Variants in ERLIN1 observed in about 807,000 individuals in gnomAD.
ERLIN1 encodes erlin-1.
In ERLIN1, 24 loss-of-function variants were observed where a neutral mutation model predicts 46.9. The observed-to-expected ratio is 0.51, with a 90% CI of 0.37 to 0.72. ERLIN1 has a LOEUF of 0.72. Among genes scored for constraint, ERLIN1 ranks in the 30% least tolerant of loss-of-function variants. The pLI is 0.00. For missense variants in ERLIN1, 293 were observed against 417.9 expected, an observed-to-expected ratio of 0.70 and a Z score of 2.61; for synonymous variants, 158 against 143.2, an observed-to-expected ratio of 1.10 and a Z score of -0.74.
intron 5 of ERLIN1, among the ~76,000 whole-genome samples, chr10:100,174,955 T>C (rs1844207597): frequency 6.6e-6 from 1 of 152,220 alleles, no homozygotes; most frequent in East Asian, 1.9e-4. Flanking sequence ...ATCAGTTTCC[T>C]CACATGCCAC....
intron 9 of ERLIN1, among the ~76,000 whole-genome samples, chr10:100,155,297 C>A (rs374959172): frequency 6.6e-6 from 1 of 152,114 alleles, no homozygotes; most frequent in South Asian, 2.1e-4. Flanking sequence ...CTCCAGCCCC[C>A]CCCCAAATTT....
chr10:100,158,104 C>T (rs1166894872), intron 8 of ERLIN1, among the ~76,000 whole-genome samples: 1 of 152,090 alleles, frequency 6.6e-6, no homozygotes, highest in Non-Finnish European at 1.5e-5. Context: ...TGGGTTTTTA[C>T]CCATGCAAGA....
In ERLIN1 at chr10:100,185,631, G is replaced by A; in HGVS notation, c.-5C>T. Reference sequence around the variant, plus strand: ...CCGGGCTTGAGTCATATTCATTCTCGTTCCTCCTGGGAGCGGGAGAAAAGG... The same window carrying A: ...CCGGGCTTGAGTCATATTCATTCTCATTCCTCCTGGGAGCGGGAGAAAAGG... On this transcript the variant is annotated 5_prime_UTR_variant, in exon 1 of 11. It adds an upstream start codon to the 5' untranslated region. Transcript: ENST00000421367. The A allele has an allele frequency of 6.2e-7, 1 of 1,612,498 alleles. No individual in the cohort carries two copies. Among genetic ancestry groups the A allele is most frequent in the East Asian group, 2.2e-5 (1 of 44,878 alleles).
intron 8 of ERLIN1, among the ~76,000 whole-genome samples, chr10:100,163,716 T>C (rs1284739239): frequency 6.6e-6 from 1 of 152,186 alleles, no homozygotes; most frequent in African/African-American, 2.4e-5. Flanking sequence ...CAAATGAAAA[T>C]GCTATCCACA....
chr10:100,179,532 C>A (rs1844512849), intron 2 of ERLIN1, among the ~76,000 whole-genome samples: 1 of 151,952 alleles, frequency 6.6e-6, no homozygotes, highest in Non-Finnish European at 1.5e-5. Context: ...TCTTGGCTCA[C>A]TGCAACCTCT....
intron 8 of ERLIN1, among the ~76,000 whole-genome samples, chr10:100,161,761 T>A (rs1329608020): frequency 2.0e-5 from 3 of 152,124 alleles, no homozygotes; most frequent in African/African-American, 7.2e-5. Context: ...GATTATGGCA[T>A]CAGAATAAAT....
At chr10:100,175,876 A>T (rs1050028018) in intron 5 of ERLIN1, 69 bp downstream of exon 5, 2 of 1,407,972 alleles carry the variant, frequency 1.4e-6, no homozygotes, top group Non-Finnish European at 2.0e-6. Flanking sequence ...TACCAATATA[A>T]CCTCAATAAG....
At position 100,185,755 on chromosome 10, in the gene ERLIN1, T is replaced by C; in HGVS notation, c.-129A>G. The C allele has an allele frequency of 1.4e-6, 1 of 710,524 alleles. No individual in the cohort carries two copies. Among genetic ancestry groups the C allele is most frequent in the Non-Finnish European group, 2.5e-6 (1 of 398,604 alleles). The allele number at this position is 710,524 out of a possible 1,614,324, so 44.0% of individuals were successfully genotyped here. ...TCGCAGGCTGAGCCGGGGAGTCCAG[T>C]ACCCCTGTCCCCTCATTCTTCCCTT... On this transcript the variant is annotated 5_prime_UTR_variant, in exon 1 of 11. Transcript: ENST00000421367.
chr10:100,185,795 T>C lies in ERLIN1; in HGVS notation c.-169A>G. 1 of 609,982 alleles carries C rather than the reference T, an allele frequency of 1.6e-6. No homozygotes were observed. 37.8% of individuals were successfully genotyped at this position (609,982 alleles called of 1,614,324 possible). The stretch of plus-strand genomic sequence containing the variant: ...ATTCTTCCCTTCTGGCTGAGCCCGC[T>C]GACCCCTTGCCAACTCCTCCGCCCC... On this transcript the variant is annotated 5_prime_UTR_variant, in exon 1 of 11. Coordinates refer to ENST00000421367, the MANE Select transcript of ERLIN1 (RefSeq NM_006459.4).
intron 2 of ERLIN1, among the ~76,000 whole-genome samples, chr10:100,180,983 A>G (rs1382581263): frequency 6.6e-6 from 1 of 152,244 alleles, no homozygotes; most frequent in African/African-American, 2.4e-5. Context: ...GAAAGAATAA[A>G]AAATAACTCT....
chr10:100,176,152 G>A lies in ERLIN1; in HGVS notation c.305-82C>T, dbSNP rs917871800. ...AAATTCAGCCAGGGTAAAAGTCAGGGTGATATATTACACATGAGGAAAAGT... is the reference window on the plus strand; with the variant it reads ...AAATTCAGCCAGGGTAAAAGTCAGGATGATATATTACACATGAGGAAAAGT... On this transcript the variant is annotated intron_variant, in intron 4 of 10. Coordinates refer to ENST00000421367, the MANE Select transcript of ERLIN1 (RefSeq NM_006459.4). The A allele has an allele frequency of 6.3e-6, 8 of 1,270,918 alleles. No homozygotes were observed. In the African/African-American group the frequency reaches 1.2e-4, roughly 19 times the overall value. 78.7% of individuals were successfully genotyped at this position (1,270,918 alleles called of 1,614,324 possible).
chr10:100,180,460 A>G (rs1844571169), intron 2 of ERLIN1, among the ~76,000 whole-genome samples: 1 of 152,238 alleles, frequency 6.6e-6, no homozygotes, highest in Non-Finnish European at 1.5e-5. Flanking sequence ...GAAAGTGAAA[A>G]AAATAGTAGT....
At chr10:100,180,190 A>C (rs1465878380) in intron 2 of ERLIN1, among the ~76,000 whole-genome samples, 1 of 152,232 alleles carries the variant, frequency 6.6e-6, no homozygotes, top group Non-Finnish European at 1.5e-5. Context: ...ACCTTTGTTC[A>C]GATCCAGAAT....
At position 100,183,802 on chromosome 10, in the gene ERLIN1, C is replaced by T; in HGVS notation, c.149G>A (p.Gly50Asp). 6.2e-7 allele frequency: 1 copy of T among 1,613,632 alleles called. No individual in the cohort carries two copies. The highest frequency in any genetic ancestry group is 8.5e-7 in the Non-Finnish European group (1 of 1,179,680). The part of the protein sequence containing the change: ...GALLTSPSGP[G>D]YHIMLPFITT... Reference sequence around the variant, plus strand: ...AATGAAAGGCAACATGATATGATAGCCTGGTCCACTGGGGCTAGTTAGTAA... The same window carrying T: ...AATGAAAGGCAACATGATATGATAGTCTGGTCCACTGGGGCTAGTTAGTAA... The change falls in exon 2 of 11, where the codon GGC becomes GAC. Residue 50 changes from glycine to aspartate, a missense_variant. Physicochemically the swap from Gly to Asp is moderately conservative, Grantham distance 94 (BLOSUM62 -1). Coordinates refer to ENST00000421367, the MANE Select transcript of ERLIN1 (RefSeq NM_006459.4).
chr10:100,175,119 C>T (rs1363733095), intron 5 of ERLIN1, among the ~76,000 whole-genome samples: 1 of 152,166 alleles, frequency 6.6e-6, no homozygotes, highest in African/African-American at 2.4e-5. Context: ...AGAACTTCCA[C>T]TATCATAAAT....
rs1844178291 is a variant in ERLIN1 at position 100,174,431 on chromosome 10, T to C, written c.431-150A>G. On this transcript the variant is annotated intron_variant, in intron 5 of 10. Coordinates refer to ENST00000421367, the MANE Select transcript of ERLIN1 (RefSeq NM_006459.4). ...TTAAACTGCCTTTTCTTCCCTTTTG[T>C]GTGGGAAAAAAATTGCAAGGAATTA... The C allele has an allele frequency of 1.2e-5, 7 of 586,724 alleles. No homozygotes were observed. In the East Asian group the frequency reaches 1.9e-4, roughly 16 times the overall value. The allele number at this position is 586,724 out of a possible 1,614,324, so 36.3% of individuals were successfully genotyped here.
intron 6 of ERLIN1, among the ~76,000 whole-genome samples, chr10:100,170,891 ACT>A (rs940565706): frequency 6.6e-6 from 1 of 152,162 alleles, no homozygotes; most frequent in African/African-American, 2.4e-5. Context: ...TCAGAAAAAG[ACT>A]CTAGTATATA....
chr10:100,179,149 C>T (rs1844485760), intron 3 of ERLIN1, 52 bp downstream of exon 3: 1 of 1,391,086 alleles, frequency 7.2e-7, no homozygotes, highest in Non-Finnish European at 1.0e-6. Context: ...GCTGTAGGAA[C>T]AGAAACTCTG....
At chr10:100,171,325 CAT>C (rs1228391086) in intron 6 of ERLIN1, among the ~76,000 whole-genome samples, 1 of 152,108 alleles carries the variant, frequency 6.6e-6, no homozygotes, top group Non-Finnish European at 1.5e-5. Context: ...CAATAACTAA[CAT>C]ATGAAAAAGT....
Sources: gnomAD v4.1 joint callset for allele counts (sites outside exome capture counted in the v4.1 genomes callset) on GRCh38, gnomAD v4.1.1 for gene constraint, MANE v1.5 for transcripts, NCBI Gene and HGNC (gene_info 2026-07-23, HGNC 2026-07-21) for gene names.